NRXN1: variants seen among roughly 807,000 people sequenced by gnomAD.
The protein encoded by NRXN1 is neurexin 1, also known as neurexin-1.
Under a neutral mutation model 150.9 loss-of-function variants are expected in NRXN1, and 39 were observed. The observed-to-expected ratio is 0.26, with a 90% CI of 0.20 to 0.34. NRXN1 has a LOEUF of 0.34. Among genes scored for constraint, NRXN1 ranks in the 10% least tolerant of loss-of-function variants. The probability of loss-of-function intolerance (pLI) is 1.00; values close to 1 mark genes in which losing one functional copy is unlikely to be tolerated. For synonymous variants in NRXN1, 924 were observed against 757.0 expected, an observed-to-expected ratio of 1.22 and a Z score of -3.62; for missense variants, 1,815 against 1,949.9, an observed-to-expected ratio of 0.93 and a Z score of 1.30.
chr2:50,024,312 G>A (rs1287696232), intron 21 of NRXN1, among the ~76,000 whole-genome samples: 1 of 152,102 alleles, frequency 6.6e-6, no homozygotes. Context: ...TAACAAAAAG[G>A]ACAGGTTTTT....
At chr2:50,730,711 C>CCTGG (rs1175967680) in intron 5 of NRXN1, among the ~76,000 whole-genome samples, 1 of 119,216 alleles carries the variant, frequency 8.4e-6, no homozygotes, top group Non-Finnish European at 1.6e-5. Context: ...CTTGCTCTGT[C>CCTGG]GCACAGGCTG....
intron 17 of NRXN1, among the ~76,000 whole-genome samples, chr2:50,437,835 T>A (rs138971557): frequency 1.3e-5 from 2 of 152,278 alleles, no homozygotes; most frequent in East Asian, 3.9e-4. Context: ...ATGCTTTGCA[T>A]CCTCTGAGCC....
intron 18 of NRXN1, among the ~76,000 whole-genome samples, chr2:50,142,819 G>A (rs899362714): frequency 1.3e-5 from 2 of 151,574 alleles, no homozygotes; most frequent in African/African-American, 4.8e-5. Context: ...TGGCATTAAG[G>A]GAGATCAGAT....
At chr2:50,981,412 C>T (rs891956669) in intron 2 of NRXN1, among the ~76,000 whole-genome samples, 6 of 132,086 alleles carry the variant, frequency 4.5e-5, no homozygotes, top group East Asian at 2.4e-4. Context: ...CAGCCAAGAT[C>T]GCACCACTGC....
At position 50,633,317 on chromosome 2, in the gene NRXN1, A is replaced by G. The variant is rs12471154; in HGVS notation, c.833-9702T>C. Among the ~76,000 whole-genome samples the G allele has an allele frequency of 3.5e-3, 529 of 152,260 alleles. 12 individuals are homozygous for G. The highest frequency in any genetic ancestry group is 0.032 in the Admixed American group (486 of 15,288). ...AACTCAAAGTATCCTATGTTTTAAA[A>G]AAGAATGACAGTTTTTTAAAAGAAA... On this transcript the variant is annotated intron_variant, in intron 5 of 22. Transcript: ENST00000401669.
chr2:50,490,118 C>T (rs1180055947), intron 15 of NRXN1, among the ~76,000 whole-genome samples: 4 of 152,170 alleles, frequency 2.6e-5, no homozygotes, highest in Admixed American at 2.0e-4. Context: ...TATATCAAGT[C>T]TTATTTCTAC....
intron 19 of NRXN1, among the ~76,000 whole-genome samples, chr2:50,060,776 T>A (rs945330925): frequency 1.3e-5 from 2 of 152,208 alleles, no homozygotes; most frequent in Non-Finnish European, 2.9e-5. Context: ...CCTGCCACCA[T>A]GTAAGACATG....
chr2:51,018,407 A>T (rs1198461423), intron 2 of NRXN1, among the ~76,000 whole-genome samples: 4 of 152,120 alleles, frequency 2.6e-5, no homozygotes, highest in African/African-American at 9.7e-5. Context: ...AGGCCAGGTC[A>T]GCACTTTGGC....
intron 5 of NRXN1, among the ~76,000 whole-genome samples, chr2:50,892,542 C>A (rs952012251): frequency 9.2e-5 from 14 of 152,054 alleles, no homozygotes; most frequent in Admixed American, 9.2e-4. Context: ...AGAGAAAGAG[C>A]CACCAAATAG....
At chr2:50,395,647 A>G (rs79972935) in intron 17 of NRXN1, among the ~76,000 whole-genome samples, 2,432 of 152,258 alleles carry the variant, frequency 0.016, 64 homozygotes, top group African/African-American at 0.053. Context: ...ACTATTGTTT[A>G]TAGAACAACT....
chr2:50,682,875 TG>T (rs1245169635), intron 5 of NRXN1, among the ~76,000 whole-genome samples: 1 of 152,028 alleles, frequency 6.6e-6, no homozygotes, highest in South Asian at 2.1e-4. Flanking sequence ...TTATGAGACA[TG>T]GGGGGAATTA....
At chr2:50,927,975 T>A (rs1687155836) in intron 2 of NRXN1, among the ~76,000 whole-genome samples, 1 of 151,274 alleles carries the variant, frequency 6.6e-6, no homozygotes, top group Non-Finnish European at 1.5e-5. Context: ...ATAAAAGGAG[T>A]TCAAGGTCAC....
chr2:50,342,213 C>T (rs562794300), intron 17 of NRXN1, among the ~76,000 whole-genome samples: 2 of 152,152 alleles, frequency 1.3e-5, no homozygotes. Flanking sequence ...AAGTTTTGGG[C>T]AACCAAAAAA....
chr2:49,983,220 G>T (rs565604103), intron 21 of NRXN1, among the ~76,000 whole-genome samples: 1 of 152,062 alleles, frequency 6.6e-6, no homozygotes, highest in South Asian at 2.1e-4. Context: ...CTTTTTCCTA[G>T]ATTATTAGCA....
intron 18 of NRXN1, among the ~76,000 whole-genome samples, chr2:50,099,409 C>G (rs1700708554): frequency 6.6e-6 from 1 of 151,808 alleles, no homozygotes; most frequent in African/African-American, 2.4e-5. Flanking sequence ...AACATTTGCC[C>G]TTTTAAAGTA....
intron 8 of NRXN1, among the ~76,000 whole-genome samples, chr2:50,574,181 A>T (rs916360815): frequency 6.6e-6 from 1 of 152,200 alleles, no homozygotes; most frequent in Non-Finnish European, 1.5e-5. Context: ...CCAGGAAGAC[A>T]TTAGACACCC....
chr2:50,620,179 G>T lies in NRXN1; in HGVS notation c.1163C>A (p.Thr388Lys). 2 of 1,613,084 alleles carry T rather than the reference G, an allele frequency of 1.2e-6. No individual in the cohort carries two copies. Among genetic ancestry groups the T allele is most frequent in the Non-Finnish European group, 1.7e-6 (2 of 1,179,474 alleles). ...QHSGIGHAMVTISVDGILTTT... is the reference protein window; with the variant it reads ...QHSGIGHAMVKISVDGILTTT... ...GGTAAGAATCCCATCCACTGATATT[G>T]TCACCTAGATAACAAAGCACAGGGA... Residue 388 changes from threonine to lysine, a missense_variant, in exon 8 of 23, where the codon ACA (threonine) becomes AAA (lysine). By Grantham distance (78) the Thr-to-Lys change is moderately conservative (BLOSUM62 -1). Coordinates refer to ENST00000401669, the MANE Select transcript of NRXN1 (RefSeq NM_001330078.2).
At chr2:50,885,693 G>A (rs1171679022) in intron 5 of NRXN1, among the ~76,000 whole-genome samples, 1 of 151,332 alleles carries the variant, frequency 6.6e-6, no homozygotes, top group Non-Finnish European at 1.5e-5. Flanking sequence ...GACTCAATGT[G>A]AAAGATAATT....
In NRXN1 at chr2:50,111,485, A is replaced by G. The variant is rs570357132; in HGVS notation, c.3547-19991T>C. Among the ~76,000 whole-genome samples the G allele has an allele frequency of 1.3e-5, 2 of 152,130 alleles. 1 individual carries two copies. The highest frequency in any genetic ancestry group is 4.8e-5 in the African/African-American group (2 of 41,502). On this transcript the variant is annotated intron_variant, in intron 18 of 22. Transcript: ENST00000401669. Reference sequence around the variant, plus strand: ...GAAACCCCTTCTCTACTAAAAATACAAAAATTAGCAGGGCCTGGTGGTATG... The same window carrying G: ...GAAACCCCTTCTCTACTAAAAATACGAAAATTAGCAGGGCCTGGTGGTATG...
Sources: gnomAD v4.1 joint callset for allele counts (sites outside exome capture counted in the v4.1 genomes callset) on GRCh38, gnomAD v4.1.1 for gene constraint, MANE v1.5 for transcripts, NCBI Gene and HGNC (gene_info 2026-07-23, HGNC 2026-07-21) for gene names.